KBTBD11: variants seen among roughly 807,000 people sequenced by gnomAD.
KBTBD11 encodes the protein kelch repeat and BTB domain-containing protein 11.
For synonymous variants in KBTBD11, 747 were observed against 499.0 expected, an observed-to-expected ratio of 1.50 and a Z score of -6.63; for missense variants, 1,390 against 1,001.8, an observed-to-expected ratio of 1.39 and a Z score of -5.23.
intron 1 of KBTBD11, among the ~76,000 whole-genome samples, chr8:1,989,056 A>G (rs920146991): frequency 6.6e-6 from 1 of 152,186 alleles, no homozygotes; most frequent in Admixed American, 6.5e-5. Context: ...AACATTGCTC[A>G]GAGTTGGGTT....
At position 2,003,199 on chromosome 8, in the gene KBTBD11, C is replaced by A. The variant is rs1264054450; in HGVS notation, c.*135C>A. The A allele has an allele frequency of 3.3e-6, 4 of 1,216,122 alleles. No individual in the cohort carries two copies. 75.3% of individuals were successfully genotyped at this position (1,216,122 alleles called of 1,614,324 possible). On this transcript the variant is annotated 3_prime_UTR_variant, in exon 2 of 2. Transcript: ENST00000320248. ...TGGTTTGGACACTTCGAAGGAGCCCCGAGGACGCTCTCAGGGCCGCTTTCG... is the reference window on the plus strand; with the variant it reads ...TGGTTTGGACACTTCGAAGGAGCCCAGAGGACGCTCTCAGGGCCGCTTTCG...
chr8:1,977,770 A>T (rs1816399359), intron 1 of KBTBD11, among the ~76,000 whole-genome samples: 1 of 152,098 alleles, frequency 6.6e-6, no homozygotes, highest in Non-Finnish European at 1.5e-5. Flanking sequence ...TCCTGGCCTC[A>T]AGTGATCTTC....
At chr8:1,989,474 C>T (rs1439212750) in intron 1 of KBTBD11, among the ~76,000 whole-genome samples, 1 of 152,192 alleles carries the variant, frequency 6.6e-6, no homozygotes, top group Non-Finnish European at 1.5e-5. Context: ...CATCTCATTC[C>T]TCTTCTACTT....
intron 1 of KBTBD11, among the ~76,000 whole-genome samples, chr8:1,995,069 A>G (rs1417896526): frequency 1.3e-5 from 2 of 151,852 alleles, no homozygotes; most frequent in African/African-American, 2.4e-5. Context: ...TCAAAAAAAA[A>G]AAAAAAAAAA....
rs1817464296 is a variant in KBTBD11 at position 2,003,169 on chromosome 8, G to T, written c.*105G>T. The T allele has an allele frequency of 8.0e-7, 1 of 1,246,408 alleles. No individual in the cohort carries two copies. The highest frequency in any genetic ancestry group is 4.2e-5 in the Admixed American group (1 of 23,560). The allele number at this position is 1,246,408 out of a possible 1,614,324, so 77.2% of individuals were successfully genotyped here. ...GTGGGGAGTCGGGGCCGCTGGCCAC[G>T]CTGGTGGTTTGGACACTTCGAAGGA... On this transcript the variant is annotated 3_prime_UTR_variant, in exon 2 of 2. Coordinates refer to ENST00000320248, the MANE Select transcript of KBTBD11 (RefSeq NM_014867.3).
intron 1 of KBTBD11, among the ~76,000 whole-genome samples, chr8:1,979,188 C>A (rs1816453550): frequency 6.6e-6 from 1 of 152,148 alleles, no homozygotes; most frequent in African/African-American, 2.4e-5. Flanking sequence ...GGCTGGATAG[C>A]CAGGGAAGTG....
In KBTBD11 at chr8:2,002,366, T is replaced by G; in HGVS notation, c.1174T>G (p.Trp392Gly). 6.8e-7 allele frequency: 1 copy of G among 1,468,956 alleles called. No individual in the cohort carries two copies. The highest frequency in any genetic ancestry group is 3.0e-5 in the East Asian group (1 of 32,930). The allele number at this position is 1,468,956 out of a possible 1,614,324, so 91.0% of individuals were successfully genotyped here. ...CTGCTACAACCCGGCCACGGACAGC[T>G]GGAGCGCCGTGAGGCCCCTGCGCCA... ...VFCYNPATDS[W>G]SAVRPLRQAR... Residue 392 changes from tryptophan (W) to glycine (G), a missense_variant, in exon 2 of 2, where the codon TGG becomes GGG. Physicochemically the swap from Trp to Gly is radical, Grantham distance 184. Transcript: ENST00000320248. The surrounding 1 kb of genome is among the most constrained non-coding windows in gnomAD (Gnocchi z 4.1).
At chr8:1,981,266 G>A (rs1277724436) in intron 1 of KBTBD11, among the ~76,000 whole-genome samples, 2 of 152,202 alleles carry the variant, frequency 1.3e-5, no homozygotes, top group Non-Finnish European at 1.5e-5. Context: ...ACCACCACCA[G>A]ACCTGTCTTA....
intron 1 of KBTBD11, among the ~76,000 whole-genome samples, chr8:1,981,706 C>A (rs544499006): frequency 2.0e-5 from 3 of 152,332 alleles, no homozygotes; most frequent in East Asian, 3.9e-4. Context: ...CTCCCACTCT[C>A]CCCTGTCCTG....
At chr8:1,996,485 C>A (rs1009862890) in intron 1 of KBTBD11, among the ~76,000 whole-genome samples, 1 of 152,112 alleles carries the variant, frequency 6.6e-6, no homozygotes, top group African/African-American at 2.4e-5. Context: ...CCAAGCTGGT[C>A]TTGAACTCCT....
intron 1 of KBTBD11, among the ~76,000 whole-genome samples, chr8:1,977,886 C>T (rs1172916413): frequency 6.6e-6 from 1 of 152,162 alleles, no homozygotes; most frequent in African/African-American, 2.4e-5. Context: ...TTCATAGCTT[C>T]CCATTCCTGC....
intron 1 of KBTBD11, among the ~76,000 whole-genome samples, chr8:1,989,087 A>G (rs770295025): frequency 1.3e-5 from 2 of 152,142 alleles, no homozygotes. Context: ...ACATTTCAGG[A>G]GAGTCTTTCA....
At chr8:1,984,149 A>G (rs1023390407) in intron 1 of KBTBD11, among the ~76,000 whole-genome samples, 3 of 151,244 alleles carry the variant, frequency 2.0e-5, no homozygotes, top group African/African-American at 7.3e-5. Context: ...AAAAAGAGTC[A>G]CACGTGGGCC....
At position 2,001,505 on chromosome 8, in the gene KBTBD11, G is replaced by A. The variant is rs1421803308; in HGVS notation, c.313G>A (p.Ala105Thr). 1.4e-6 allele frequency: 2 copies of A among 1,396,294 alleles called. No homozygotes were observed. The highest frequency in any genetic ancestry group is 3.3e-5 in the Admixed American group (1 of 30,588). The allele number at this position is 1,396,294 out of a possible 1,614,324, so 86.5% of individuals were successfully genotyped here. The change falls in exon 2 of 2, where the codon GCG (alanine) becomes ACG (threonine). Residue 105 changes from alanine (A) to threonine (T), a missense_variant. By Grantham distance (58) the Ala-to-Thr change is moderately conservative. Coordinates refer to ENST00000320248, the MANE Select transcript of KBTBD11 (RefSeq NM_014867.3). Reference sequence around the variant, plus strand: ...GCGCGCGTGCCCGGAAGAGCCCGCGGCGCCGTCCCCCGAACCGCGCGTTTG... The same window carrying A: ...GCGCGCGTGCCCGGAAGAGCCCGCGACGCCGTCCCCCGAACCGCGCGTTTG... ...EERACPEEPA[A>T]PSPEPRVWLE...
At chr8:1,974,710 G>A (rs1410603088) in intron 1 of KBTBD11, 4 of 985,330 alleles carry the variant, frequency 4.1e-6, no homozygotes, top group Non-Finnish European at 4.8e-6. Flanking sequence ...GATTCCGCAG[G>A]GGTCCCTCCT....
chr8:2,001,375 G>A lies in KBTBD11; in HGVS notation c.183G>A (p.Ala61=). The change falls in exon 2 of 2, where the codon GCG becomes GCA. Residue 61 remains alanine, a synonymous_variant. Coordinates refer to ENST00000320248, the MANE Select transcript of KBTBD11 (RefSeq NM_014867.3). Reference sequence around the variant, plus strand: ...CCCTCGCCTCAGCGGCGGAAGGCGCGGCCACCTCCCCGCCCTCCAGCGGTG... The same window carrying A: ...CCCTCGCCTCAGCGGCGGAAGGCGCAGCCACCTCCCCGCCCTCCAGCGGTG... ...PQSLASAAEG[A]ATSPPSSGGP... The A allele has an allele frequency of 1.4e-6, 2 of 1,468,586 alleles. No individual in the cohort carries two copies. Among genetic ancestry groups the A allele is most frequent in the Non-Finnish European group, 1.8e-6 (2 of 1,113,908 alleles). The allele number at this position is 1,468,586 out of a possible 1,614,324, so 91.0% of individuals were successfully genotyped here. A position where few individuals can be genotyped will look rare whatever the true frequency, so the allele number is the denominator to read the frequency against.
intron 1 of KBTBD11, among the ~76,000 whole-genome samples, chr8:1,999,788 G>T (rs1817273359): frequency 6.6e-6 from 1 of 152,192 alleles, no homozygotes; most frequent in African/African-American, 2.4e-5. Flanking sequence ...TCTACAAATG[G>T]TTGTAACCGA....
chr8:1,974,670 G>C (rs1816263522), intron 1 of KBTBD11: 9 of 985,270 alleles, frequency 9.1e-6, no homozygotes, highest in African/African-American at 1.7e-5. Context: ...CGCCCCATGT[G>C]CTGGGGAGAC....
chr8:1,974,093 G>A (rs1234327627), intron 1 of KBTBD11, 158 bp downstream of exon 1: 1 of 211,838 alleles, frequency 4.7e-6, no homozygotes, highest in East Asian at 2.4e-4. Flanking sequence ...GAGAGGCGGG[G>A]AGGGGAGGCC....
Sources: allele counts gnomAD v4.1 joint callset (sites outside exome capture counted in the v4.1 genomes callset), GRCh38; gene constraint gnomAD v4.1.1; non-coding constraint Gnocchi (gnomAD v3.1); transcripts MANE v1.5; gene names NCBI Gene and HGNC (gene_info 2026-07-23, HGNC 2026-07-21).